The following TBC1D22A variants were observed in gnomAD, a reference collection of about 807,000 sequenced individuals.
The protein encoded by TBC1D22A is putative GTPase activator.
TBC1D22A carries 38 observed loss-of-function variants against 60.2 expected under a neutral mutation model. The observed-to-expected ratio is 0.63, with a 90% CI of 0.49 to 0.83. The LOEUF (loss-of-function observed/expected upper bound fraction) is 0.83. TBC1D22A is among the 40% of genes least tolerant of loss of function. TBC1D22A has a pLI of 0.00. For synonymous variants in TBC1D22A, 302 were observed against 281.7 expected, an observed-to-expected ratio of 1.07 and a Z score of -0.72; for missense variants, 628 against 701.0, an observed-to-expected ratio of 0.90 and a Z score of 1.18.
intron 4 of TBC1D22A, among the ~76,000 whole-genome samples, chr22:46,873,677 G>C (rs777165640): frequency 2.6e-5 from 4 of 152,030 alleles, no homozygotes; most frequent in African/African-American, 4.8e-5. Flanking sequence ...CCCATCCTCT[G>C]CCCTCCAGTA....
chr22:47,127,860 G>A (rs1220999118), intron 12 of TBC1D22A, among the ~76,000 whole-genome samples: 1 of 151,232 alleles, frequency 6.6e-6, no homozygotes, highest in Admixed American at 6.6e-5. Context: ...AGTGGTCTTC[G>A]CCTTCTCACC....
At chr22:47,034,806 A>G in intron 10 of TBC1D22A, among the ~76,000 whole-genome samples, 1 of 152,236 alleles carries the variant, frequency 6.6e-6, no homozygotes. Context: ...GATGACGATA[A>G]TTGACTTTAT....
intron 8 of TBC1D22A, among the ~76,000 whole-genome samples, chr22:46,947,210 G>A (rs1410638188): frequency 6.6e-6 from 1 of 152,166 alleles, no homozygotes; most frequent in Non-Finnish European, 1.5e-5. Flanking sequence ...ATCAGCTGAT[G>A]GACCCTAAAT....
intron 11 of TBC1D22A, among the ~76,000 whole-genome samples, chr22:47,073,852 G>A (rs1010699560): frequency 2.6e-5 from 4 of 152,168 alleles, no homozygotes; most frequent in Admixed American, 2.6e-4. Context: ...TTCAGGCTGG[G>A]CACATTAGCA....
intron 8 of TBC1D22A, among the ~76,000 whole-genome samples, chr22:46,930,430 G>T (rs1445660781): frequency 1.3e-5 from 2 of 152,038 alleles, no homozygotes; most frequent in Non-Finnish European, 2.9e-5. Flanking sequence ...CAACATCCAA[G>T]AATTAACCTG....
intron 8 of TBC1D22A, among the ~76,000 whole-genome samples, chr22:46,949,224 C>T (rs1206346659): frequency 2.0e-5 from 3 of 152,208 alleles, no homozygotes; most frequent in Non-Finnish European, 4.4e-5. Context: ...AAGGTCCACC[C>T]GAATACCTGG....
At chr22:47,030,024 A>T (rs131950) in intron 10 of TBC1D22A, among the ~76,000 whole-genome samples, 52,228 of 152,170 alleles carry the variant, frequency 0.34, 9,791 homozygotes, top group African/African-American at 0.49. Context: ...GCTGTCAGCG[A>T]CATAAACCAA....
intron 4 of TBC1D22A, among the ~76,000 whole-genome samples, chr22:46,873,350 C>G (rs1356364476): frequency 6.6e-6 from 1 of 152,166 alleles, no homozygotes; most frequent in Non-Finnish European, 1.5e-5. Flanking sequence ...ATCAGATACC[C>G]TTTAACACGT....
At chr22:47,055,861 C>T (rs187773654) in intron 11 of TBC1D22A, among the ~76,000 whole-genome samples, 5 of 152,136 alleles carry the variant, frequency 3.3e-5, no homozygotes, top group African/African-American at 1.2e-4. Context: ...GTGAGATACG[C>T]CACGGAGGGT....
intron 7 of TBC1D22A, among the ~76,000 whole-genome samples, chr22:46,905,593 G>A (rs2069403924): frequency 6.6e-6 from 1 of 152,260 alleles, no homozygotes; most frequent in African/African-American, 2.4e-5. Context: ...CGGTCGGTTG[G>A]CGGGTGGGGG....
chr22:46,807,523 C>T (rs113579805), intron 4 of TBC1D22A, among the ~76,000 whole-genome samples: 119 of 152,270 alleles, frequency 7.8e-4, no homozygotes, highest in African/African-American at 2.6e-3. Context: ...CTTGACGACA[C>T]GCTGGCACTA....
intron 5 of TBC1D22A, among the ~76,000 whole-genome samples, chr22:46,890,102 T>C (rs569479277): frequency 2.3e-4 from 35 of 152,218 alleles, no homozygotes; most frequent in African/African-American, 7.7e-4. Flanking sequence ...TCCCAGCACT[T>C]TGGGAGGCTG....
At chr22:46,839,267 A>G (rs935566489) in intron 4 of TBC1D22A, among the ~76,000 whole-genome samples, 11 of 149,418 alleles carry the variant, frequency 7.4e-5, no homozygotes, top group African/African-American at 2.7e-4. Context: ...GAAATATGAT[A>G]CTTTGGTGTG....
chr22:46,902,995 G>GC (rs2069117315), intron 7 of TBC1D22A, among the ~76,000 whole-genome samples: 1 of 152,232 alleles, frequency 6.6e-6, no homozygotes, highest in Non-Finnish European at 1.5e-5. Context: ...GGCAGCGTAT[G>GC]GGGCAGTCCA....
intron 11 of TBC1D22A, among the ~76,000 whole-genome samples, chr22:47,039,904 C>T (rs1035069042): frequency 4.9e-5 from 7 of 142,156 alleles, no homozygotes; most frequent in African/African-American, 1.4e-4. Flanking sequence ...ATGGCTGGAG[C>T]AGGAGCAAGG....
intron 8 of TBC1D22A, among the ~76,000 whole-genome samples, chr22:46,943,245 G>A (rs895799678): frequency 1.3e-5 from 2 of 152,136 alleles, no homozygotes; most frequent in Non-Finnish European, 2.9e-5. Context: ...TAATTAATGA[G>A]CCTCCTCTCC....
chr22:47,061,439 C>A (rs1447617802), intron 11 of TBC1D22A, among the ~76,000 whole-genome samples: 1 of 152,076 alleles, frequency 6.6e-6, no homozygotes, highest in Non-Finnish European at 1.5e-5. Flanking sequence ...GAGGGGATGT[C>A]CTTTCCTGCT....
intron 4 of TBC1D22A, among the ~76,000 whole-genome samples, chr22:46,876,327 C>T (rs1235029057): frequency 6.6e-6 from 1 of 152,188 alleles, no homozygotes; most frequent in Non-Finnish European, 1.5e-5. Flanking sequence ...ACATTCTTTT[C>T]TATGGCAACA....
intron 1 of TBC1D22A, among the ~76,000 whole-genome samples, chr22:46,776,454 T>C (rs2083710047): frequency 6.6e-6 from 1 of 151,770 alleles, no homozygotes; most frequent in Non-Finnish European, 1.5e-5. Flanking sequence ...CGTGGTGGGA[T>C]GGGAGGTGAG....
Sources: gnomAD v4.1 joint callset for allele counts (sites outside exome capture counted in the v4.1 genomes callset) on GRCh38, gnomAD v4.1.1 for gene constraint, MANE v1.5 for transcripts, NCBI Gene and HGNC (gene_info 2026-07-23, HGNC 2026-07-21) for gene names.